RP1: variants seen among roughly 807,000 people sequenced by gnomAD.
The protein encoded by RP1 is RP1 axonemal microtubule associated, also known as oxygen-regulated protein 1.
RP1 carries 16 observed loss-of-function variants against 14.8 expected under a neutral mutation model. That is an observed-to-expected ratio of 1.08 (90% confidence interval 0.73 to 1.65). RP1 has a LOEUF of 1.65. Ranked by LOEUF, RP1 falls within the 40% of genes most tolerant of loss-of-function variation. The pLI, the probability that RP1 is intolerant of heterozygous loss-of-function variation, is 0.00. For synonymous variants in RP1, 876 were observed against 883.6 expected (o/e 0.99, Z 0.15); for missense variants, 2,631 against 2,535.0 (o/e 1.04, Z -0.81).
At chr8:54,734,598 A>G (rs778918737) in exon 18 of RP1, 2 of 1,535,556 alleles carry the variant, frequency 1.3e-6, no homozygotes, top group Non-Finnish European at 1.7e-6. Context: ...AGATGAATGG[A>G]AGGTGTTAGT....
chr8:54,721,787 A>C (rs1469668653), intron 16 of RP1, among the ~76,000 whole-genome samples: 1 of 152,244 alleles, frequency 6.6e-6, no homozygotes, highest in Non-Finnish European at 1.5e-5. Flanking sequence ...TTGAAGATTC[A>C]TGAATCCTAG....
At chr8:54,825,562 C>T (rs1486104453) in intron 24 of RP1, among the ~76,000 whole-genome samples, 1 of 152,142 alleles carries the variant, frequency 6.6e-6, no homozygotes, top group African/African-American at 2.4e-5. Flanking sequence ...TTGCAAACTA[C>T]GTATATGACA....
At chr8:54,780,920 ATACT>A in intron 23 of RP1, 3 of 985,266 alleles carry the variant, frequency 3.0e-6, no homozygotes, top group Non-Finnish European at 3.6e-6. Context: ...GGCAGAGCAC[ATACT>A]TCTCATTGTA....
chr8:54,666,315 G>C (rs1011734591), intron 7 of RP1, among the ~76,000 whole-genome samples: 2 of 151,914 alleles, frequency 1.3e-5, no homozygotes, highest in Admixed American at 6.6e-5. Context: ...AATGGGATTT[G>C]GGTATTTTTG....
chr8:54,662,668 T>C (rs1434402268), intron 6 of RP1, among the ~76,000 whole-genome samples: 2 of 152,144 alleles, frequency 1.3e-5, no homozygotes, highest in Non-Finnish European at 2.9e-5. Context: ...CGAGCCCCCA[T>C]ATCTGAGGTC....
chr8:54,852,660 A>G (rs1812082778), exon 26 of RP1: 1 of 1,231,344 alleles, frequency 8.1e-7, no homozygotes, highest in African/African-American at 1.6e-5. Context: ...CATCGGTACC[A>G]GAGGTGATTC....
chr8:54,826,455 C>G (rs1563388359), intron 24 of RP1, among the ~76,000 whole-genome samples: 2 of 152,122 alleles, frequency 1.3e-5, no homozygotes, highest in Admixed American at 1.3e-4. Flanking sequence ...CTGTGGAGTT[C>G]TTTGTTCCAT....
intron 1 of RP1, among the ~76,000 whole-genome samples, chr8:54,579,572 C>G (rs1284552691): frequency 6.6e-6 from 1 of 152,110 alleles, no homozygotes; most frequent in Non-Finnish European, 1.5e-5. Flanking sequence ...GGGAGAAGTT[C>G]TGGGTCAGCA....
chr8:54,667,368 C>A (rs1376088292), intron 7 of RP1, among the ~76,000 whole-genome samples: 1 of 152,088 alleles, frequency 6.6e-6, no homozygotes, highest in Non-Finnish European at 1.5e-5. Flanking sequence ...GTTTATGTCT[C>A]CCCTAACTTG....
At chr8:54,760,636 C>G (rs940796609) in intron 22 of RP1, among the ~76,000 whole-genome samples, 1 of 152,080 alleles carries the variant, frequency 6.6e-6, no homozygotes, top group African/African-American at 2.4e-5. Flanking sequence ...ACATCTGACT[C>G]TATATTTCCC....
At chr8:54,852,922 C>T (rs1031844641) in intron 26 of RP1, among the ~76,000 whole-genome samples, 1 of 152,142 alleles carries the variant, frequency 6.6e-6, no homozygotes, top group African/African-American at 2.4e-5. Context: ...ACTCAACAAA[C>T]ACAATATTCT....
At chr8:54,840,440 A>G (rs977122560) in intron 25 of RP1, among the ~76,000 whole-genome samples, 2 of 151,910 alleles carry the variant, frequency 1.3e-5, no homozygotes, top group African/African-American at 4.8e-5. Flanking sequence ...TTTAGTAGAG[A>G]TAGGGTTTCA....
rs1807349549 is a variant in RP1, at chr8:54,678,480, TG to T, written c.1423del (p.Asp475MetfsTer21). ...GTTTAGGAAATGGTTGGTTTCTTGA[TG>T]ATGTTGTTATCAAGGATCCCACAAC... On this transcript the variant is annotated frameshift_variant, in exon 9 of 23. Transcript: ENST00000636932. LOFTEE classifies it high-confidence loss of function. 1.3e-6 allele frequency: 2 copies of T among 1,535,058 alleles called. No homozygotes were observed. The highest frequency in any genetic ancestry group is 4.9e-5 in the East Asian group (2 of 40,776).
At chr8:54,855,767 A>G (rs1812179905) in intron 26 of RP1, among the ~76,000 whole-genome samples, 1 of 152,204 alleles carries the variant, frequency 6.6e-6, no homozygotes, top group African/African-American at 2.4e-5. Context: ...ATAATCAGAA[A>G]GAGTCAATGA....
chr8:54,769,220 T>A (rs1022449595), intron 22 of RP1, among the ~76,000 whole-genome samples: 3 of 152,028 alleles, frequency 2.0e-5, no homozygotes, highest in Non-Finnish European at 2.9e-5. Flanking sequence ...TTGCAAACAC[T>A]GAGGAAGAGA....
At chr8:54,611,700 G>T (rs1805595709), upstream of RP1, among the ~76,000 whole-genome samples, 1 of 151,980 alleles carries the variant, frequency 6.6e-6, no homozygotes, top group South Asian at 2.1e-4. Context: ...CTTCCTCAGG[G>T]ACATTTTCTG....
At chr8:54,834,065 A>G (rs1424971717) in intron 24 of RP1, among the ~76,000 whole-genome samples, 2 of 152,108 alleles carry the variant, frequency 1.3e-5, no homozygotes, top group Non-Finnish European at 2.9e-5. Context: ...CAGATCCTCA[A>G]GGAGTTAAGG....
chr8:54,680,580 A>G (rs1490958180), intron 12 of RP1, among the ~76,000 whole-genome samples: 2 of 152,182 alleles, frequency 1.3e-5, no homozygotes, highest in Non-Finnish European at 2.9e-5. Flanking sequence ...TGCTGGAGCT[A>G]CTAACCTACC....
intron 27 of RP1, among the ~76,000 whole-genome samples, chr8:54,858,288 T>C (rs1296380696): frequency 6.6e-6 from 1 of 152,180 alleles, no homozygotes; most frequent in Non-Finnish European, 1.5e-5. Context: ...AGGAAATTAT[T>C]AGAAAAAAGC....
Sources: gnomAD v4.1 joint callset for allele counts (sites outside exome capture counted in the v4.1 genomes callset) on GRCh38, gnomAD v4.1.1 for gene constraint, MANE v1.5 for transcripts, NCBI Gene and HGNC (gene_info 2026-07-23, HGNC 2026-07-21) for gene names.